Variants in TMEM232 observed in about 807,000 individuals in gnomAD.
The protein encoded by TMEM232 is transmembrane protein 232.
TMEM232 carries 80 observed loss-of-function variants against 78.8 expected under a neutral mutation model. The ratio of observed to expected loss-of-function variants is 1.01; its 90% CI spans 0.85 to 1.22. The LOEUF is 1.22. Among genes scored for constraint, TMEM232 ranks in the 50% most tolerant of loss-of-function variants. The probability of loss-of-function intolerance (pLI) is 0.00; values close to 1 mark genes in which losing one functional copy is unlikely to be tolerated. For synonymous variants in TMEM232, 297 were observed against 254.3 expected, an observed-to-expected ratio of 1.17 and a Z score of -1.60; for missense variants, 881 against 742.2, an observed-to-expected ratio of 1.19 and a Z score of -2.17.
At chr5:110,463,379 ATAGTT>A (rs1392599684) in intron 12 of TMEM232, among the ~76,000 whole-genome samples, 7 of 152,232 alleles carry the variant, frequency 4.6e-5, no homozygotes, top group East Asian at 3.8e-4. Flanking sequence ...AGACTACAGT[ATAGTT>A]TAAACATAAC....
At chr5:110,617,733 A>T (rs1025666073) in intron 8 of TMEM232, among the ~76,000 whole-genome samples, 1 of 152,086 alleles carries the variant, frequency 6.6e-6, no homozygotes, top group African/African-American at 2.4e-5. Flanking sequence ...AGGTAGGCAG[A>T]TCACTTGAAC....
At chr5:110,723,882 G>A (rs970255705) in intron 1 of TMEM232, among the ~76,000 whole-genome samples, 1 of 152,074 alleles carries the variant, frequency 6.6e-6, no homozygotes, top group African/African-American at 2.4e-5. Context: ...TACCTCCCTG[G>A]ATGATAGACA....
At chr5:110,626,019 A>T (rs1784382260) in intron 6 of TMEM232, among the ~76,000 whole-genome samples, 1 of 151,928 alleles carries the variant, frequency 6.6e-6, no homozygotes, top group Non-Finnish European at 1.5e-5. Flanking sequence ...ATAATGGAAA[A>T]ATTAATAATG....
At chr5:110,680,301 G>A (rs111521919) in intron 1 of TMEM232, among the ~76,000 whole-genome samples, 16 of 150,750 alleles carry the variant, frequency 1.1e-4, no homozygotes, top group African/African-American at 3.9e-4. Context: ...GGAGGCTGAG[G>A]CATGAGAATC....
chr5:110,538,984 A>C (rs1204728130), intron 11 of TMEM232, among the ~76,000 whole-genome samples: 1 of 152,196 alleles, frequency 6.6e-6, no homozygotes, highest in Non-Finnish European at 1.5e-5. Flanking sequence ...AGGAATTTCT[A>C]GTAGTACCAA....
intron 10 of TMEM232, among the ~76,000 whole-genome samples, chr5:110,593,154 C>A (rs979483098): frequency 6.6e-6 from 1 of 152,048 alleles, no homozygotes; most frequent in Non-Finnish European, 1.5e-5. Flanking sequence ...TGGCACTGCT[C>A]AGAAGGAAGA....
At chr5:110,402,852 G>A (rs761012701) in intron 2 of TMEM232, among the ~76,000 whole-genome samples, 1 of 151,998 alleles carries the variant, frequency 6.6e-6, no homozygotes, top group African/African-American at 2.4e-5. Flanking sequence ...GTGGTGGAGA[G>A]GTAATTCTTT....
At chr5:110,488,730 A>G (rs758259601) in intron 12 of TMEM232, among the ~76,000 whole-genome samples, 38 of 152,162 alleles carry the variant, frequency 2.5e-4, no homozygotes, top group Non-Finnish European at 4.9e-4. Flanking sequence ...TAAATAAAAT[A>G]GAAAATAGTA....
At chr5:110,433,993 T>C (rs190842752) in intron 12 of TMEM232, among the ~76,000 whole-genome samples, 3 of 152,074 alleles carry the variant, frequency 2.0e-5, no homozygotes, top group Admixed American at 1.3e-4. Flanking sequence ...ACTAGTATTA[T>C]AGAATGAGTT....
intron 2 of TMEM232, among the ~76,000 whole-genome samples, chr5:110,732,065 T>A (rs1798723143): frequency 6.6e-6 from 1 of 152,138 alleles, no homozygotes; most frequent in African/African-American, 2.4e-5. Context: ...GTTCCACAAA[T>A]CTCTAGGGCA....
intron 11 of TMEM232, among the ~76,000 whole-genome samples, chr5:110,540,549 T>C (rs1255640062): frequency 6.6e-6 from 1 of 152,204 alleles, no homozygotes; most frequent in African/African-American, 2.4e-5. Flanking sequence ...CATACATTCA[T>C]ATGTTAGCCA....
At chr5:110,518,142 CTCTT>C (rs1031007549) in intron 12 of TMEM232, among the ~76,000 whole-genome samples, 2 of 152,038 alleles carry the variant, frequency 1.3e-5, no homozygotes, top group Admixed American at 6.5e-5. Context: ...CTCTCTCTCT[CTCTT>C]TCTCTGTCTC....
intron 12 of TMEM232, among the ~76,000 whole-genome samples, chr5:110,465,092 T>C (rs313612): frequency 0.046 from 6,998 of 152,304 alleles, 532 homozygotes; most frequent in African/African-American, 0.16. Context: ...TACCAAATGA[T>C]CTTCAATGTA....
At chr5:110,555,990 T>C (rs1037683530) in intron 11 of TMEM232, among the ~76,000 whole-genome samples, 4 of 152,140 alleles carry the variant, frequency 2.6e-5, no homozygotes, top group Non-Finnish European at 5.9e-5. Context: ...AAATTCAAGA[T>C]TAATATTGAT....
At chr5:110,714,912 G>T (rs1796866960) in intron 1 of TMEM232, among the ~76,000 whole-genome samples, 2 of 152,036 alleles carry the variant, frequency 1.3e-5, no homozygotes, top group African/African-American at 4.8e-5. Flanking sequence ...ATGCTGGGGT[G>T]ATTTTAGGAG....
rs1484567570 is a variant in TMEM232 at position 110,665,175 on chromosome 5, AC to A, written c.125+2052del. Reference sequence around the variant, plus strand: ...CAATTTCTTAAAATTTAAAAATCACACACAATTTTTAAATTATCAAGAAATT... The same window carrying A: ...CAATTTCTTAAAATTTAAAAATCACAACAATTTTTAAATTATCAAGAAATT... On this transcript the variant is annotated intron_variant, in intron 2 of 13. Coordinates refer to ENST00000455884, the MANE Select transcript of TMEM232 (RefSeq NM_001039763.4). Among the ~76,000 whole-genome samples, 19 of 152,196 alleles carry A rather than the reference AC, an allele frequency of 1.2e-4. 1 individual carries two copies. The highest frequency in any genetic ancestry group is 2.5e-4 in the Non-Finnish European group (17 of 68,044).
At chr5:110,474,592 T>C (rs1052703700) in intron 12 of TMEM232, among the ~76,000 whole-genome samples, 10 of 151,940 alleles carry the variant, frequency 6.6e-5, no homozygotes, top group Non-Finnish European at 1.2e-4. Flanking sequence ...ATAAAAGGCA[T>C]ACATATTGGA....
At chr5:110,521,179 C>T (rs952457424) in intron 12 of TMEM232, among the ~76,000 whole-genome samples, 5 of 152,074 alleles carry the variant, frequency 3.3e-5, no homozygotes, top group African/African-American at 1.2e-4. Flanking sequence ...TCTCATCCCC[C>T]AAGACCTTTC....
At chr5:110,547,522 T>C (rs1243242359) in intron 11 of TMEM232, among the ~76,000 whole-genome samples, 2 of 152,182 alleles carry the variant, frequency 1.3e-5, no homozygotes, top group Non-Finnish European at 2.9e-5. Context: ...AATACTGCAT[T>C]TGATACCATC....
Sources: gnomAD v4.1 joint callset for allele counts (sites outside exome capture counted in the v4.1 genomes callset) on GRCh38, gnomAD v4.1.1 for gene constraint, MANE v1.5 for transcripts, NCBI Gene and HGNC (gene_info 2026-07-23, HGNC 2026-07-21) for gene names.